The following KAT2B variants were observed in gnomAD, a reference collection of about 807,000 sequenced individuals.
The protein encoded by KAT2B is lysine acetyltransferase 2B.
In KAT2B, 36 loss-of-function variants were observed where a neutral mutation model predicts 105.9. That is an observed-to-expected ratio of 0.34 (90% CI 0.26 to 0.45). KAT2B has a LOEUF of 0.45. KAT2B is among the 20% of genes least tolerant of loss of function. The pLI, the probability that KAT2B is intolerant of heterozygous loss-of-function variation, is 1.00. For synonymous variants in KAT2B, 397 were observed against 377.9 expected (o/e 1.05, Z -0.59); for missense variants, 820 against 1,021.6 (o/e 0.80, Z 2.69).
chr3:20,065,120 G>A (rs561485438), intron 1 of KAT2B, among the ~76,000 whole-genome samples: 7 of 152,230 alleles, frequency 4.6e-5, no homozygotes, highest in Admixed American at 4.6e-4. Context: ...CTCTAACCCT[G>A]GATCCTGTTG....
chr3:20,109,728 T>C (rs1391077621), intron 5 of KAT2B, among the ~76,000 whole-genome samples: 1 of 152,156 alleles, frequency 6.6e-6, no homozygotes, highest in African/African-American at 2.4e-5. Context: ...AATTACAAAA[T>C]AAATGCACTT....
At chr3:20,052,885 A>T (rs1697939807) in intron 1 of KAT2B, among the ~76,000 whole-genome samples, 1 of 152,188 alleles carries the variant, frequency 6.6e-6, no homozygotes, top group Non-Finnish European at 1.5e-5. Flanking sequence ...CTGAGGCAGG[A>T]GAATCACTTG....
At position 20,040,565 on chromosome 3, in the gene KAT2B, G is replaced by GCGGCGCTTCCGC; in HGVS notation, c.90_101dup (p.Leu32_Ala35dup). On this transcript the variant is annotated inframe_insertion, in exon 1 of 18. Transcript: ENST00000263754. ...GCCCGGGGCGCTGCCCCCGCAGCCT[G>GCGGCGCTTCCGC]CGGCGCTTCCGCCCGCGCCCCCGCA... The GCGGCGCTTCCGC allele has an allele frequency of 9.1e-7, 1 of 1,095,132 alleles. No individual in the cohort carries two copies. The highest frequency in any genetic ancestry group is 1.1e-6 in the Non-Finnish European group (1 of 901,634). The allele number at this position is 1,095,132 out of a possible 1,614,324, so 67.8% of individuals were successfully genotyped here.
At chr3:20,091,236 G>T (rs1698713558) in intron 2 of KAT2B, among the ~76,000 whole-genome samples, 2 of 152,022 alleles carry the variant, frequency 1.3e-5, no homozygotes, top group South Asian at 4.2e-4. Context: ...GTTTTGGTAG[G>T]TTGTACATTT....
chr3:20,053,696 C>T (rs1342164472), intron 1 of KAT2B, among the ~76,000 whole-genome samples: 3 of 152,156 alleles, frequency 2.0e-5, no homozygotes, highest in Admixed American at 2.0e-4. Context: ...ATTCTTTAAA[C>T]TACTATTTAT....
chr3:20,116,118 A>G (rs1053054640), intron 7 of KAT2B, among the ~76,000 whole-genome samples: 1 of 151,450 alleles, frequency 6.6e-6, no homozygotes, highest in South Asian at 2.1e-4. Flanking sequence ...AATTTCATGT[A>G]TCTCTGGTCC....
At chr3:20,152,278 C>A in intron 17 of KAT2B, 54 bp from the exon 18 acceptor site, 1 of 1,277,242 alleles carries the variant, frequency 7.8e-7, no homozygotes. Flanking sequence ...CCAGTTTTGT[C>A]AGCTGGTGTT....
intron 8 of KAT2B, 152 bp from the exon 9 acceptor site, chr3:20,122,516 C>G: frequency 1.8e-6 from 1 of 551,334 alleles, no homozygotes; most frequent in East Asian, 3.0e-5. Flanking sequence ...CAATGGCTCT[C>G]TTTCCTGTCT....
chr3:20,061,984 CATATAATATATAAAACAT>C (rs1363609075), intron 1 of KAT2B, among the ~76,000 whole-genome samples: 625 of 41,904 alleles, frequency 0.015, 3 homozygotes, highest in Middle Eastern at 0.023. Context: ...ATATATAAAA[CATATAATATATAAAACAT>C]ATAATATATA....
intron 1 of KAT2B, among the ~76,000 whole-genome samples, chr3:20,065,255 C>G (rs1698203843): frequency 6.6e-6 from 1 of 152,126 alleles, no homozygotes. Context: ...CTTTCCCCTC[C>G]CTGTGCCCAG....
intron 1 of KAT2B, among the ~76,000 whole-genome samples, chr3:20,047,649 C>T (rs1355167745): frequency 1.3e-5 from 2 of 148,588 alleles, no homozygotes; most frequent in African/African-American, 5.0e-5. Context: ...ACTCTGTCAC[C>T]CAGGCTGGAG....
At chr3:20,141,542 C>T (rs890545975) in intron 13 of KAT2B, among the ~76,000 whole-genome samples, 4 of 152,102 alleles carry the variant, frequency 2.6e-5, no homozygotes, top group African/African-American at 7.2e-5. Flanking sequence ...TTCTGTTATT[C>T]GTTTAGTGCA....
chr3:20,079,365 C>T (rs890777000), intron 2 of KAT2B, among the ~76,000 whole-genome samples: 3 of 151,748 alleles, frequency 2.0e-5, no homozygotes, highest in South Asian at 2.1e-4. Context: ...CCACCATGCC[C>T]GGCTAATTTT....
intron 17 of KAT2B, among the ~76,000 whole-genome samples, chr3:20,151,270 TGTG>T (rs1699865416): frequency 6.6e-6 from 1 of 152,234 alleles, no homozygotes; most frequent in African/African-American, 2.4e-5. Flanking sequence ...TTGATGCTTT[TGTG>T]GTGGATTTAG....
At chr3:20,088,402 C>T (rs1336958203) in intron 2 of KAT2B, among the ~76,000 whole-genome samples, 1 of 152,178 alleles carries the variant, frequency 6.6e-6, no homozygotes, top group African/African-American at 2.4e-5. Flanking sequence ...CTTGTCCTCA[C>T]ATTCTTGCCA....
chr3:20,126,669 A>G (rs1699410024), intron 10 of KAT2B, among the ~76,000 whole-genome samples: 1 of 151,986 alleles, frequency 6.6e-6, no homozygotes, highest in African/African-American at 2.4e-5. Context: ...CTAAAAATAC[A>G]AAATTAGCCA....
intron 3 of KAT2B, among the ~76,000 whole-genome samples, chr3:20,097,788 G>A (rs1428777968): frequency 6.6e-6 from 1 of 151,820 alleles, no homozygotes; most frequent in East Asian, 1.9e-4. Flanking sequence ...CTCCCCCCTC[G>A]GCCTTCCAAA....
rs1375490322 is a variant in KAT2B, at chr3:20,108,940, C to T, written c.852-2656C>T. ...CATCTGGAAACCATCCCTTCTACCC[C>T]CAGCCATGGAAAAATTGTCTCTCAT... On this transcript the variant is annotated intron_variant, in intron 5 of 17. Coordinates refer to ENST00000263754, the MANE Select transcript of KAT2B (RefSeq NM_003884.5). Among the ~76,000 whole-genome samples, 4 of 152,120 alleles carry T rather than the reference C, an allele frequency of 2.6e-5. No homozygotes were observed. The East Asian group carries it at 7.7e-4, about 29-fold the overall frequency.
At chr3:20,050,109 A>G (rs542279510) in intron 1 of KAT2B, among the ~76,000 whole-genome samples, 1 of 151,930 alleles carries the variant, frequency 6.6e-6, no homozygotes, top group African/African-American at 2.4e-5. Flanking sequence ...CTGAGGTGGG[A>G]CGACTGCTTG....
Sources: allele counts gnomAD v4.1 joint callset (sites outside exome capture counted in the v4.1 genomes callset), GRCh38; gene constraint gnomAD v4.1.1; transcripts MANE v1.5; gene names NCBI Gene and HGNC (gene_info 2026-07-23, HGNC 2026-07-21).